MED1: variants seen among roughly 807,000 people sequenced by gnomAD.
MED1 encodes the protein mediator of RNA polymerase II transcription subunit 1.
A neutral mutation model predicts 121.3 loss-of-function variants in MED1; 17 were observed. That is an observed-to-expected ratio of 0.14 (90% CI 0.10 to 0.21). MED1 has a LOEUF of 0.21. Ranked by LOEUF, MED1 falls within the 10% of genes least tolerant of loss-of-function variation. The pLI, the probability that MED1 is intolerant of heterozygous loss-of-function variation, is 1.00. For missense variants in MED1, 1,558 were observed against 1,919.4 expected (o/e 0.81, Z 3.52); for synonymous variants, 661 against 694.4 (o/e 0.95, Z 0.76).
At position 39,407,871 on chromosome 17, in the gene MED1, A is replaced by T. The variant is rs2048318129; in HGVS notation, c.4350T>A (p.His1450Gln). Reference protein sequence around the residue: ...TPKHERGSPSHSKSPAYTPQN... With the variant: ...TPKHERGSPSQSKSPAYTPQN... ...GGGGGGTATATGCTGGTGACTTACT[A>T]TGGCTGGGAGAGCCACGCTCATGCT... The change falls in exon 17 of 17, where the codon CAT (histidine) becomes CAA (glutamine). Residue 1450 changes from histidine (H) to glutamine (Q), a missense_variant. By Grantham distance (24) the His-to-Gln change is conservative. This residue lies in a region of MED1 where 264 missense variants were observed against 326.1 expected (regional missense o/e 0.81). Coordinates refer to ENST00000300651, the MANE Select transcript of MED1 (RefSeq NM_004774.4). The T allele has an allele frequency of 2.5e-6, 4 of 1,614,106 alleles. No homozygotes were observed. The African/African-American group carries it at 5.3e-5, about 22-fold the overall frequency.
intron 12 of MED1, 101 bp from the exon 13 acceptor site, chr17:39,423,546 A>T (rs2048486835): frequency 7.0e-7 from 1 of 1,419,776 alleles, no homozygotes; most frequent in South Asian, 1.2e-5. Context: ...AAGAGTACTT[A>T]CTAAGCATTT....
intron 1 of MED1, among the ~76,000 whole-genome samples, chr17:39,450,281 CTT>C (rs1427680803): frequency 2.6e-5 from 4 of 152,158 alleles, no homozygotes; most frequent in African/African-American, 7.2e-5. Context: ...AAAACACACT[CTT>C]TGTTTTTCTT....
In MED1 at chr17:39,408,143, T is replaced by C; in HGVS notation, c.4078A>G (p.Lys1360Glu). Residue 1360 changes from lysine (K) to glutamate (E), a missense_variant, in exon 17 of 17, where the codon AAA becomes GAA. Physicochemically the swap from Lys to Glu is moderately conservative, Grantham distance 56 (BLOSUM62 1). Coordinates refer to ENST00000300651, the MANE Select transcript of MED1 (RefSeq NM_004774.4). The surrounding 1 kb of genome is among the most constrained non-coding windows in gnomAD (Gnocchi z 4.7). ...GAGGTGGAAACCTTTGATTTGTCTTTATCACTTTTCTCACGCTTGCCCTGA... is the reference window on the plus strand; with the variant it reads ...GAGGTGGAAACCTTTGATTTGTCTTCATCACTTTTCTCACGCTTGCCCTGA... Reference protein sequence around the residue: ...EFQGKREKSDKDKSKVSTSGS... With the variant: ...EFQGKREKSDEDKSKVSTSGS... 6.2e-7 allele frequency: 1 copy of C among 1,614,106 alleles called. No homozygotes were observed. Among genetic ancestry groups the C allele is most frequent in the Non-Finnish European group, 8.5e-7 (1 of 1,180,052 alleles).
At chr17:39,414,382 C>T (rs1223948357) in intron 16 of MED1, among the ~76,000 whole-genome samples, 1 of 151,066 alleles carries the variant, frequency 6.6e-6, no homozygotes, top group Non-Finnish European at 1.5e-5. Flanking sequence ...GTTGCCCAGG[C>T]TGGAGTACAG....
At position 39,450,933 on chromosome 17, in the gene MED1, C is replaced by T. The variant is rs551842629; in HGVS notation, c.25+105G>A. ...TAATACACATTCCCTCTCCTGGACTCTATGCCCCTAAAGTGGCCCCCATGG... is the reference window on the plus strand; with the variant it reads ...TAATACACATTCCCTCTCCTGGACTTTATGCCCCTAAAGTGGCCCCCATGG... On this transcript the variant is annotated intron_variant, in intron 1 of 16. Coordinates refer to ENST00000300651, the MANE Select transcript of MED1 (RefSeq NM_004774.4). The T allele has an allele frequency of 1.8e-5, 17 of 944,708 alleles. No individual in the cohort carries two copies. In the South Asian group the frequency reaches 2.1e-4, roughly 12 times the overall value. 58.5% of individuals were successfully genotyped at this position (944,708 alleles called of 1,614,324 possible).
rs577573733 is a variant in MED1, at chr17:39,448,292, T to C, written c.26-388A>G. Among the ~76,000 whole-genome samples, 14 of 150,326 alleles carry C rather than the reference T, an allele frequency of 9.3e-5. No homozygotes were observed. In the East Asian group the frequency reaches 2.6e-3, roughly 28 times the overall value. On this transcript the variant is annotated intron_variant, in intron 1 of 16. Coordinates refer to ENST00000300651, the MANE Select transcript of MED1 (RefSeq NM_004774.4). ...GGCTAAGGGAGGAGAATTGCTTGAA[T>C]CCAGGAGGCAGAGGTTGCAGTGAGC...
At chr17:39,420,597 T>C (rs982019845) in intron 13 of MED1, among the ~76,000 whole-genome samples, 2 of 151,944 alleles carry the variant, frequency 1.3e-5, no homozygotes, top group Non-Finnish European at 2.9e-5. Context: ...TTCAGATAAA[T>C]ACAAGTCCAG....
chr17:39,439,373 G>T (rs1378533042), intron 5 of MED1, among the ~76,000 whole-genome samples, 180 bp from the exon 6 acceptor site: 2 of 152,164 alleles, frequency 1.3e-5, no homozygotes, highest in Non-Finnish European at 2.9e-5. Context: ...CACAGGATTA[G>T]GGTGAGAAAT....
At chr17:39,447,998 TA>T in intron 1 of MED1, 94 bp from the exon 2 acceptor site, 1 of 778,502 alleles carries the variant, frequency 1.3e-6, no homozygotes. Flanking sequence ...TTCATCACAG[TA>T]AGAATTCAGT....
At chr17:39,427,504 T>C in intron 10 of MED1, 197 bp downstream of exon 10, 2 of 389,474 alleles carry the variant, frequency 5.1e-6, no homozygotes, top group Non-Finnish European at 9.2e-6. Context: ...AAGCTCCTAT[T>C]ATGTATGTGT....
At chr17:39,432,647 G>A (rs71369763) in intron 7 of MED1, among the ~76,000 whole-genome samples, 7,862 of 151,762 alleles carry the variant, frequency 0.052, 659 homozygotes, top group African/African-American at 0.18. Context: ...CCAGCTACTT[G>A]GGAGACTAAG....
At chr17:39,431,548 G>A (rs1425511600) in intron 8 of MED1, among the ~76,000 whole-genome samples, 1 of 152,134 alleles carries the variant, frequency 6.6e-6, no homozygotes, top group Non-Finnish European at 1.5e-5. Flanking sequence ...CAAAGTGCTG[G>A]GATTACAGGC....
intron 14 of MED1, among the ~76,000 whole-genome samples, chr17:39,415,989 CAAAA>C (rs78988735): frequency 1.0e-5 from 1 of 96,364 alleles, no homozygotes; most frequent in Non-Finnish European, 2.2e-5. Context: ...CACTCTGTCT[CAAAA>C]AAAAAAAAAA....
At chr17:39,411,532 G>T (rs561670287) in intron 16 of MED1, among the ~76,000 whole-genome samples, 39 of 152,092 alleles carry the variant, frequency 2.6e-4, no homozygotes, top group Non-Finnish European at 4.9e-4. Context: ...GTAGACAGGA[G>T]AATCACTTGA....
At chr17:39,444,379 C>T (rs1319817142) in intron 2 of MED1, among the ~76,000 whole-genome samples, 5 of 151,656 alleles carry the variant, frequency 3.3e-5, no homozygotes, top group South Asian at 2.1e-4. Flanking sequence ...TGGTGGTGCA[C>T]GCCTATAGTC....
chr17:39,447,980 T>C (rs1158760117), intron 1 of MED1, 76 bp from the exon 2 acceptor site: 1 of 928,422 alleles, frequency 1.1e-6, no homozygotes, highest in Non-Finnish European at 1.7e-6. Context: ...CAAAATAAAT[T>C]CCCACACTTC....
At chr17:39,420,321 T>A (rs2048450142) in intron 13 of MED1, among the ~76,000 whole-genome samples, 1 of 149,978 alleles carries the variant, frequency 6.7e-6, no homozygotes, top group Non-Finnish European at 1.5e-5. Flanking sequence ...TGCCTCAGCC[T>A]CCTGAGTAGC....
At chr17:39,435,846 C>T (rs910719349) in intron 6 of MED1, among the ~76,000 whole-genome samples, 19 of 151,996 alleles carry the variant, frequency 1.3e-4, no homozygotes, top group African/African-American at 2.4e-4. Context: ...GAATTACAGA[C>T]GAGCACCACC....
chr17:39,424,830 G>C, intron 10 of MED1, 92 bp from the exon 11 acceptor site: 3 of 737,734 alleles, frequency 4.1e-6, no homozygotes, highest in Non-Finnish European at 7.1e-6. Flanking sequence ...TGCAATATTT[G>C]TCAGCTATAA....
Sources: allele counts gnomAD v4.1 joint callset (sites outside exome capture counted in the v4.1 genomes callset), GRCh38; gene constraint gnomAD v4.1.1; regional missense constraint gnomAD v4.1.1; non-coding constraint Gnocchi (gnomAD v3.1); transcripts MANE v1.5; gene names NCBI Gene and HGNC (gene_info 2026-07-23, HGNC 2026-07-21).